KCND2: variants seen among roughly 807,000 people sequenced by gnomAD.
KCND2 encodes A-type voltage-gated potassium channel KCND2.
Under a neutral mutation model 54.4 loss-of-function variants are expected in KCND2, and 16 were observed. The observed-to-expected ratio is 0.29, with a 90% CI of 0.20 to 0.45. KCND2 has a LOEUF of 0.45. KCND2 is among the 20% of genes least tolerant of loss of function. The probability of loss-of-function intolerance (pLI) is 1.00; values close to 1 mark genes in which losing one functional copy is unlikely to be tolerated. For missense variants in KCND2, 486 were observed against 824.2 expected (o/e 0.59, Z 5.02); for synonymous variants, 317 against 310.7 (o/e 1.02, Z -0.21).
chr7:120,275,442 C>A lies in KCND2; in HGVS notation c.810C>A (p.Ile270=), dbSNP rs575666166. 28 of 1,613,812 alleles carry A rather than the reference C, an allele frequency of 1.7e-5. No homozygotes were observed. The East Asian group carries it at 5.1e-4, about 30-fold the overall frequency. The change falls in exon 1 of 6, where the codon ATC becomes ATA. Residue 270 remains isoleucine, a synonymous_variant. Coordinates refer to ENST00000331113, the MANE Select transcript of KCND2 (RefSeq NM_012281.3). ...TGAGTATCATCGACGTGGTGGCCATCCTGCCTTATTACATTGGGCTGGTGA... is the reference window on the plus strand; with the variant it reads ...TGAGTATCATCGACGTGGTGGCCATACTGCCTTATTACATTGGGCTGGTGA... The part of the protein sequence containing the change: ...SVMSIIDVVA[I]LPYYIGLVMT...
intron 1 of KCND2, among the ~76,000 whole-genome samples, chr7:120,574,920 T>C (rs1363291003): frequency 6.6e-6 from 1 of 152,156 alleles, no homozygotes; most frequent in Non-Finnish European, 1.5e-5. Context: ...TTTTTTGAAT[T>C]ATTTTAAAAT....
At chr7:120,678,372 TACGC>T (rs1792094254) in intron 1 of KCND2, among the ~76,000 whole-genome samples, 6 of 133,486 alleles carry the variant, frequency 4.5e-5, no homozygotes, top group East Asian at 2.5e-4. Flanking sequence ...TATATATATA[TACGC>T]ACACACACAT....
intron 1 of KCND2, among the ~76,000 whole-genome samples, chr7:120,329,370 G>A (rs906634762): frequency 1.3e-4 from 19 of 151,886 alleles, no homozygotes; most frequent in African/African-American, 4.1e-4. Context: ...TGATCCACTC[G>A]CCTTGGCCTC....
At chr7:120,488,017 C>CA (rs1245366782) in intron 1 of KCND2, among the ~76,000 whole-genome samples, 6 of 151,356 alleles carry the variant, frequency 4.0e-5, no homozygotes, top group Non-Finnish European at 7.4e-5. Flanking sequence ...CCCATCTATA[C>CA]AAAAAAACAA....
intron 1 of KCND2, among the ~76,000 whole-genome samples, chr7:120,397,379 C>T (rs532010314): frequency 1.4e-4 from 22 of 152,026 alleles, no homozygotes; most frequent in East Asian, 9.7e-4. Context: ...TCACTTACTC[C>T]ACTGATATAG....
At chr7:120,460,999 T>G (rs1291189541) in intron 1 of KCND2, among the ~76,000 whole-genome samples, 2 of 152,196 alleles carry the variant, frequency 1.3e-5, no homozygotes, top group Admixed American at 1.3e-4. Flanking sequence ...TTGTTTCTAC[T>G]TCATGCTTTA....
chr7:120,543,879 G>C (rs1792012218), intron 1 of KCND2, among the ~76,000 whole-genome samples: 1 of 151,942 alleles, frequency 6.6e-6, no homozygotes, highest in Admixed American at 6.6e-5. Flanking sequence ...TTTCTGATAA[G>C]AACCCAAATT....
chr7:120,289,053 C>CAA (rs200811391), intron 1 of KCND2, among the ~76,000 whole-genome samples: 9,437 of 36,802 alleles, frequency 0.26, 674 homozygotes, highest in African/African-American at 0.28. Flanking sequence ...CACACACACA[C>CAA]ACACACACAC....
At chr7:120,564,358 A>T (rs559653438) in intron 1 of KCND2, among the ~76,000 whole-genome samples, 1 of 152,166 alleles carries the variant, frequency 6.6e-6, no homozygotes. Flanking sequence ...TTGACAGTCC[A>T]TCAGTCAAAG....
At chr7:120,581,738 A>C (rs1353375385) in intron 1 of KCND2, among the ~76,000 whole-genome samples, 1 of 151,092 alleles carries the variant, frequency 6.6e-6, no homozygotes, top group Non-Finnish European at 1.5e-5. Context: ...TTTTTGATGG[A>C]GTCTTCCTCG....
intron 1 of KCND2, among the ~76,000 whole-genome samples, chr7:120,469,005 T>C (rs1480606307): frequency 2.1e-5 from 3 of 143,562 alleles, no homozygotes; most frequent in African/African-American, 8.3e-5. Context: ...TCTTTGTGGT[T>C]ATGGTGTGGA....
intron 1 of KCND2, among the ~76,000 whole-genome samples, chr7:120,326,241 G>C (rs1445944181): frequency 6.6e-6 from 1 of 152,044 alleles, no homozygotes; most frequent in African/African-American, 2.4e-5. Flanking sequence ...GGGCTGCCTA[G>C]AAAGAGCACT....
intron 1 of KCND2, among the ~76,000 whole-genome samples, chr7:120,722,825 A>C (rs1419741241): frequency 6.6e-6 from 1 of 152,174 alleles, no homozygotes; most frequent in East Asian, 1.9e-4. Flanking sequence ...GCAGGCATAC[A>C]CCTGGGGACC....
At position 120,717,439 on chromosome 7, in the gene KCND2, A is replaced by C. The variant is rs1792617488; in HGVS notation, c.1116-15464A>C. 2.6e-5 allele frequency among the ~76,000 whole-genome samples: 4 copies of C among 152,134 alleles called. No individual in the cohort carries two copies. In the South Asian group the frequency reaches 8.3e-4, roughly 31 times the overall value. Reference sequence around the variant, plus strand: ...AACTTATGAATTGTTTACTTTTGGAATTTTCCATTCAATGTTTTTGAACCA... The same window carrying C: ...AACTTATGAATTGTTTACTTTTGGACTTTTCCATTCAATGTTTTTGAACCA... On this transcript the variant is annotated intron_variant, in intron 1 of 5. Transcript: ENST00000331113.
At chr7:120,731,001 C>T (rs975375532) in intron 1 of KCND2, among the ~76,000 whole-genome samples, 3 of 152,140 alleles carry the variant, frequency 2.0e-5, no homozygotes, top group Admixed American at 6.6e-5. Context: ...TCTCCAAAGC[C>T]CCAGAGTAAG....
At chr7:120,730,018 T>C (rs1269653589) in intron 1 of KCND2, among the ~76,000 whole-genome samples, 3 of 152,156 alleles carry the variant, frequency 2.0e-5, no homozygotes, top group African/African-American at 7.2e-5. Context: ...ATAGTGATCC[T>C]AGAATACAAA....
At chr7:120,732,128 G>A (rs943016826) in intron 1 of KCND2, among the ~76,000 whole-genome samples, 3 of 152,054 alleles carry the variant, frequency 2.0e-5, no homozygotes, top group African/African-American at 7.2e-5. Flanking sequence ...CTATGAGATT[G>A]GACAAAGTCA....
chr7:120,536,692 C>T (rs766936538), intron 1 of KCND2, among the ~76,000 whole-genome samples: 1 of 152,136 alleles, frequency 6.6e-6, no homozygotes, highest in African/African-American at 2.4e-5. Flanking sequence ...CTAAAGGATG[C>T]CATCCTTCGA....
At chr7:120,700,439 G>A (rs1480419273) in intron 1 of KCND2, among the ~76,000 whole-genome samples, 2 of 152,110 alleles carry the variant, frequency 1.3e-5, no homozygotes, top group Non-Finnish European at 2.9e-5. Flanking sequence ...AATTTACAAA[G>A]CCACATTTCT....
Sources: allele counts gnomAD v4.1 joint callset (sites outside exome capture counted in the v4.1 genomes callset), GRCh38; gene constraint gnomAD v4.1.1; transcripts MANE v1.5; gene names NCBI Gene and HGNC (gene_info 2026-07-23, HGNC 2026-07-21).